Variants in GCFC2 observed in about 807,000 individuals in gnomAD.
The protein encoded by GCFC2 is intron Large complex component GCFC2.
GCFC2 carries 102 observed loss-of-function variants against 99.4 expected under a neutral mutation model. The ratio of observed to expected loss-of-function variants is 1.03; its 90% CI spans 0.87 to 1.21. GCFC2 has a LOEUF of 1.21. Among genes scored for constraint, GCFC2 ranks in the 50% most tolerant of loss-of-function variants. The pLI is 0.00. For missense variants in GCFC2, 973 were observed against 920.9 expected (o/e 1.06, Z -0.73); for synonymous variants, 338 against 316.8 (o/e 1.07, Z -0.71).
chr2:75,680,340 C>T, intron 11 of GCFC2, 26 bp from the exon 12 acceptor site: 1 of 1,592,032 alleles, frequency 6.3e-7, no homozygotes, highest in Non-Finnish European at 8.6e-7. Flanking sequence ...CAGTGGTACA[C>T]AATGTATTTA....
intron 4 of GCFC2, among the ~76,000 whole-genome samples, chr2:75,696,817 G>A (rs977715333): frequency 6.6e-6 from 1 of 151,576 alleles, no homozygotes; most frequent in South Asian, 2.1e-4. Context: ...ATGGAGTCTC[G>A]TTCTGTTGCC....
chr2:75,701,893 A>C, intron 3 of GCFC2: 1 of 1,072,668 alleles, frequency 9.3e-7, no homozygotes, highest in Non-Finnish European at 1.1e-6. Context: ...AAATATATTT[A>C]TACAGGTAAA....
intron 11 of GCFC2, 62 bp downstream of exon 11, chr2:75,687,764 AT>A: frequency 7.8e-7 from 1 of 1,286,864 alleles, no homozygotes; most frequent in Non-Finnish European, 1.1e-6. Context: ...TATAACAGAA[AT>A]TAACAACCTT....
Position 75,689,138 on chromosome 2 carries a change from T to C in GCFC2, c.1427A>G (p.Gln476Arg), listed in dbSNP as rs1679942457. 1 of 1,600,570 alleles carries C rather than the reference T, an allele frequency of 6.2e-7. No homozygotes were observed. Among genetic ancestry groups the C allele is most frequent in the Non-Finnish European group, 8.6e-7 (1 of 1,169,080 alleles). ...NIQNILLKFQ[Q>R]WREKFPDSYY... ...GGAGTCAGGAAACTTTTCTCGCCAT[T>C]GCTGAAATTTCAACAAAATATTCTG... Residue 476 changes from glutamine to arginine, a missense_variant, in exon 10 of 17, where the codon CAA becomes CGA. Coordinates refer to ENST00000321027, the MANE Select transcript of GCFC2 (RefSeq NM_003203.5).
At chr2:75,682,548 T>C (rs1222993549) in intron 11 of GCFC2, among the ~76,000 whole-genome samples, 1 of 151,660 alleles carries the variant, frequency 6.6e-6, no homozygotes, top group Non-Finnish European at 1.5e-5. Context: ...CTTCAAAGAA[T>C]CACAACTCAT....
At chr2:75,672,112 A>C (rs528750764) in intron 13 of GCFC2, 96 bp from the exon 14 acceptor site, 3 of 448,002 alleles carry the variant, frequency 6.7e-6, no homozygotes, top group African/African-American at 6.1e-5. Context: ...AAACCAACCA[A>C]ACTAAGCCTT....
chr2:75,711,099 T>C, upstream of GCFC2: 5 of 1,289,144 alleles, frequency 3.9e-6, no homozygotes, highest in Non-Finnish European at 4.9e-6. Flanking sequence ...TTAGGTTGCG[T>C]GGACTGACAC....
At chr2:75,681,562 C>A (rs1285013832) in intron 11 of GCFC2, among the ~76,000 whole-genome samples, 1 of 151,584 alleles carries the variant, frequency 6.6e-6, no homozygotes, top group Non-Finnish European at 1.5e-5. Flanking sequence ...TTTTTTCATA[C>A]CCCAGTGGCA....
At position 75,667,228 on chromosome 2, in the gene GCFC2, A is replaced by C. The variant is rs182269524; in HGVS notation, c.2104-1175T>G. The stretch of plus-strand genomic sequence containing the variant: ...TTAATGTTTAGCTTACACTTTCATT[A>C]ACGTTATAGTAACGGGTTCTTGGAA... On this transcript the variant is annotated intron_variant, in intron 15 of 16. Transcript: ENST00000321027. Among the ~76,000 whole-genome samples, 412 of 152,258 alleles carry C rather than the reference A, an allele frequency of 2.7e-3. 4 individuals are homozygous for C. Among genetic ancestry groups the C allele is most frequent in the African/African-American group, 9.6e-3 (398 of 41,552 alleles).
rs1678745768 is a variant in GCFC2, at chr2:75,664,652, C to T, written c.*14G>A. 5 of 1,122,142 alleles carry T rather than the reference C, an allele frequency of 4.5e-6. No individual in the cohort carries two copies. The highest frequency in any genetic ancestry group is 4.0e-6 in the Non-Finnish European group (3 of 748,850). 69.5% of individuals were successfully genotyped at this position (1,122,142 alleles called of 1,614,324 possible). ...AACTATATTAAAATTTTAGCATTTTCCAATAAAGTTTATTCAATCTTCTTT... is the reference window on the plus strand; with the variant it reads ...AACTATATTAAAATTTTAGCATTTTTCAATAAAGTTTATTCAATCTTCTTT... On this transcript the variant is annotated 3_prime_UTR_variant, in exon 17 of 17. Transcript: ENST00000321027.
At chr2:75,673,594 C>G in intron 12 of GCFC2, 74 bp from the exon 13 acceptor site, 1 of 699,524 alleles carries the variant, frequency 1.4e-6, no homozygotes, top group Non-Finnish European at 2.6e-6. Flanking sequence ...GTAATTTTAA[C>G]TGCAGTACAA....
At chr2:75,670,901 G>A (rs1679065353) in intron 14 of GCFC2, 1 of 152,120 alleles carries the variant, frequency 6.6e-6, no homozygotes, top group Non-Finnish European at 1.5e-5. Flanking sequence ...TTACTAAAAT[G>A]TAATGCTTTT....
At chr2:75,708,911 T>C (rs556767876) in intron 1 of GCFC2, among the ~76,000 whole-genome samples, 3 of 152,324 alleles carry the variant, frequency 2.0e-5, no homozygotes, top group Admixed American at 2.0e-4. Context: ...GTACTCGTCT[T>C]AATCATGTAT....
chr2:75,676,889 G>A (rs774331655), intron 12 of GCFC2, among the ~76,000 whole-genome samples: 11 of 152,024 alleles, frequency 7.2e-5, no homozygotes, highest in Non-Finnish European at 1.5e-4. Context: ...AGAATTCCTA[G>A]CTTTTTGTCA....
chr2:75,682,766 T>C (rs988983723), intron 11 of GCFC2, among the ~76,000 whole-genome samples: 16 of 151,660 alleles, frequency 1.1e-4, no homozygotes, highest in Non-Finnish European at 1.8e-4. Context: ...CTGATGAAGC[T>C]GAAAAACACT....
Position 75,689,016 on chromosome 2 carries a change from G to A in GCFC2, c.1539+10C>T, listed in dbSNP as rs774289411. 7.1e-7 allele frequency: 1 copy of A among 1,416,086 alleles called. No individual in the cohort carries two copies. Among genetic ancestry groups the A allele is most frequent in the Non-Finnish European group, 9.9e-7 (1 of 1,015,136 alleles). 87.7% of individuals were successfully genotyped at this position (1,416,086 alleles called of 1,614,324 possible). Reference sequence around the variant, plus strand: ...ATCAGGATAATTTTTCATATGTTAAGCATAAATACCTTAAGAGGATTCCAA... The same window carrying A: ...ATCAGGATAATTTTTCATATGTTAAACATAAATACCTTAAGAGGATTCCAA... On this transcript the variant is annotated intron_variant, in intron 10 of 16. Coordinates refer to ENST00000321027, the MANE Select transcript of GCFC2 (RefSeq NM_003203.5).
In GCFC2 at chr2:75,702,056, C is replaced by A. The variant is rs1261692095; in HGVS notation, c.619+143G>T. 7 of 1,441,936 alleles carry A rather than the reference C, an allele frequency of 4.9e-6. No individual in the cohort carries two copies. In the African/African-American group the frequency reaches 1.0e-4, roughly 21 times the overall value. 89.3% of individuals were successfully genotyped at this position (1,441,936 alleles called of 1,614,324 possible). A position where few individuals can be genotyped will look rare whatever the true frequency, so the allele number is the denominator to read the frequency against. ...ATACAGATACATCTTTTAGAGGTCACAATATCATGGACCAAATCGATGTTA... is the reference window on the plus strand; with the variant it reads ...ATACAGATACATCTTTTAGAGGTCAAAATATCATGGACCAAATCGATGTTA... On this transcript the variant is annotated intron_variant, in intron 3 of 16. Coordinates refer to ENST00000321027, the MANE Select transcript of GCFC2 (RefSeq NM_003203.5).
rs1007112232 is a variant in GCFC2, at chr2:75,663,509, A to C, written c.*1157T>G. On this transcript the variant is annotated 3_prime_UTR_variant, in exon 17 of 17. Coordinates refer to ENST00000321027, the MANE Select transcript of GCFC2 (RefSeq NM_003203.5). Reference sequence around the variant, plus strand: ...TAGTCCTACCACCAATGACAAAAAAACAAAATAGTAACTTGCTAATAAGTA... The same window carrying C: ...TAGTCCTACCACCAATGACAAAAAACCAAAATAGTAACTTGCTAATAAGTA... The C allele has an allele frequency of 6.6e-6, 1 of 152,218 alleles. No homozygotes were observed. The highest frequency in any genetic ancestry group is 2.4e-5 in the African/African-American group (1 of 41,458). 9.4% of individuals were successfully genotyped at this position (152,218 alleles called of 1,614,324 possible). A position where few individuals can be genotyped will look rare whatever the true frequency, so the allele number is the denominator to read the frequency against.
intron 12 of GCFC2, among the ~76,000 whole-genome samples, chr2:75,673,788 A>G (rs1221473144): frequency 6.6e-6 from 1 of 152,204 alleles, no homozygotes. Flanking sequence ...GCTATTATAA[A>G]TAATGCTGCC....
Sources: allele counts gnomAD v4.1 joint callset (sites outside exome capture counted in the v4.1 genomes callset), GRCh38; gene constraint gnomAD v4.1.1; transcripts MANE v1.5; gene names NCBI Gene and HGNC (gene_info 2026-07-23, HGNC 2026-07-21).